TRAPPC3L: variants seen among roughly 807,000 people sequenced by gnomAD.
TRAPPC3L encodes the protein trafficking protein particle complex subunit 3L, also known as trafficking protein particle complex subunit 3-like protein.
A neutral mutation model predicts 23.7 loss-of-function variants in TRAPPC3L; 23 were observed. That is an observed-to-expected ratio of 0.97 (90% CI 0.70 to 1.37). TRAPPC3L has a LOEUF of 1.37. Ranked by LOEUF, TRAPPC3L falls within the 40% of genes most tolerant of loss-of-function variation. The probability of loss-of-function intolerance (pLI) is 0.00; values close to 1 mark genes in which losing one functional copy is unlikely to be tolerated. For missense variants in TRAPPC3L, 212 were observed against 216.8 expected, an observed-to-expected ratio of 0.98 and a Z score of 0.14; for synonymous variants, 81 against 77.9, an observed-to-expected ratio of 1.04 and a Z score of -0.21.
At chr6:116,497,646 T>C (rs1210543991) in intron 4 of TRAPPC3L, among the ~76,000 whole-genome samples, 1 of 152,168 alleles carries the variant, frequency 6.6e-6, no homozygotes, top group Non-Finnish European at 1.5e-5. Context: ...GGCCTTCTTT[T>C]TCTCTGTAAG....
rs537578007 is a variant in TRAPPC3L, at chr6:116,519,188, G to C, written c.241-18522C>G. The C allele has an allele frequency of 2.6e-5, 4 of 152,332 alleles. No individual in the cohort carries two copies. The East Asian group carries it at 7.7e-4, about 29-fold the overall frequency. 9.4% of individuals were successfully genotyped at this position (152,332 alleles called of 1,614,324 possible). ...CTCCCTAGAGGCTGCGCCTGACACA[G>C]GGAGCTGTGTATACATGATTTATTA... On this transcript the variant is annotated intron_variant, in intron 3 of 4. Coordinates refer to ENST00000368602, the MANE Select transcript of TRAPPC3L (RefSeq NM_001139444.3).
intron 3 of TRAPPC3L, among the ~76,000 whole-genome samples, chr6:116,502,184 C>T (rs140834585): frequency 0.054 from 8,168 of 152,190 alleles, 284 homozygotes; most frequent in Non-Finnish European, 0.079. Flanking sequence ...GCTTAAATGA[C>T]CTGATGGAGC....
chr6:116,504,759 A>G (rs1771974857), intron 3 of TRAPPC3L, among the ~76,000 whole-genome samples: 4 of 152,210 alleles, frequency 2.6e-5, no homozygotes, highest in African/African-American at 9.7e-5. Context: ...AGAACCAAAG[A>G]CAAAAGCCAC....
At chr6:116,525,279 T>G (rs1772424550) in intron 3 of TRAPPC3L, among the ~76,000 whole-genome samples, 1 of 152,214 alleles carries the variant, frequency 6.6e-6, no homozygotes, top group Non-Finnish European at 1.5e-5. Context: ...TAGAGGTCTA[T>G]CTCCAAGTTT....
At chr6:116,513,655 T>C (rs935272264) in intron 3 of TRAPPC3L, among the ~76,000 whole-genome samples, 1 of 152,198 alleles carries the variant, frequency 6.6e-6, no homozygotes, top group Non-Finnish European at 1.5e-5. Context: ...GCAAGAGAAC[T>C]TGTATCAATA....
intron 3 of TRAPPC3L, among the ~76,000 whole-genome samples, chr6:116,508,920 T>C (rs1562337987): frequency 6.6e-6 from 1 of 151,990 alleles, no homozygotes; most frequent in Non-Finnish European, 1.5e-5. Context: ...AGGATAATCA[T>C]ATATCTAGAA....
Position 116,496,867 on chromosome 6 carries a change from A to C in TRAPPC3L, c.*87T>G. On this transcript the variant is annotated 3_prime_UTR_variant, in exon 5 of 5. Transcript: ENST00000368602. ...TTATAAACCTTTCAAAGCTCATGCT[A>C]TGAAGCAATTCAAAATTTCTATGTC... 1.4e-6 allele frequency: 2 copies of C among 1,426,408 alleles called. No homozygotes were observed. Among genetic ancestry groups the C allele is most frequent in the Non-Finnish European group, 1.8e-6 (2 of 1,089,058 alleles). 88.4% of individuals were successfully genotyped at this position (1,426,408 alleles called of 1,614,324 possible).
intron 4 of TRAPPC3L, among the ~76,000 whole-genome samples, chr6:116,499,902 G>A (rs1771887194): frequency 6.6e-6 from 1 of 152,202 alleles, no homozygotes; most frequent in East Asian, 1.9e-4. Flanking sequence ...TATACTCAGT[G>A]CCTGACACTT....
intron 4 of TRAPPC3L, 115 bp from the exon 5 acceptor site, chr6:116,497,188 G>T (rs1771845498): frequency 7.5e-7 from 1 of 1,341,286 alleles, no homozygotes; most frequent in Admixed American, 3.0e-5. Context: ...TTTTAAAAAA[G>T]CTTGTTCGTG....
At chr6:116,500,719 G>A (rs1472428872) in intron 3 of TRAPPC3L, 53 bp from the exon 4 acceptor site, 1 of 1,473,440 alleles carries the variant, frequency 6.8e-7, no homozygotes, top group African/African-American at 1.4e-5. Flanking sequence ...AAATAACTAT[G>A]AGCAGACTAA....
intron 3 of TRAPPC3L, among the ~76,000 whole-genome samples, chr6:116,526,400 C>G (rs535711943): frequency 2.0e-4 from 30 of 152,300 alleles, no homozygotes; most frequent in Admixed American, 1.5e-3. Context: ...CCTAGAGTTC[C>G]ACAGAACAAA....
intron 3 of TRAPPC3L, among the ~76,000 whole-genome samples, chr6:116,504,420 A>G (rs880002830): frequency 6.6e-6 from 1 of 152,256 alleles, no homozygotes; most frequent in Non-Finnish European, 1.5e-5. Context: ...GTCCAGGACC[A>G]GACGGATTCA....
At chr6:116,511,545 T>C (rs144104064) in intron 3 of TRAPPC3L, 6 of 694,600 alleles carry the variant, frequency 8.6e-6, no homozygotes, top group African/African-American at 1.8e-5. Flanking sequence ...GAAATATTCA[T>C]TCCTAAGGAA....
At chr6:116,508,053 C>T (rs1266983843) in intron 3 of TRAPPC3L, among the ~76,000 whole-genome samples, 1 of 152,114 alleles carries the variant, frequency 6.6e-6, no homozygotes, top group Non-Finnish European at 1.5e-5. Flanking sequence ...GATATGTTGC[C>T]ATCTTTCAAG....
At chr6:116,544,713 G>A (rs1047779584) in intron 1 of TRAPPC3L, among the ~76,000 whole-genome samples, 11 of 152,086 alleles carry the variant, frequency 7.2e-5, no homozygotes, top group African/African-American at 2.7e-4. Flanking sequence ...AATAAATCAA[G>A]ATCCCAGAAG....
At chr6:116,531,877 T>C (rs1019734020) in intron 3 of TRAPPC3L, among the ~76,000 whole-genome samples, 2 of 149,352 alleles carry the variant, frequency 1.3e-5, no homozygotes, top group African/African-American at 4.9e-5. Flanking sequence ...TTTATTTATA[T>C]TTAATTTATA....
Position 116,495,558 on chromosome 6 carries a change from T to C in TRAPPC3L, c.*1396A>G, listed in dbSNP as rs1266008750. On this transcript the variant is annotated 3_prime_UTR_variant, in exon 5 of 5. Transcript: ENST00000368602. Reference sequence around the variant, plus strand: ...GCAGTGGGATTGCTGGATCATATGATCATTCTATTTTTTGTTTTTTGAGGA... The same window carrying C: ...GCAGTGGGATTGCTGGATCATATGACCATTCTATTTTTTGTTTTTTGAGGA... The C allele has an allele frequency of 6.6e-6, 1 of 152,126 alleles. No individual in the cohort carries two copies. Among genetic ancestry groups the C allele is most frequent in the African/African-American group, 2.4e-5 (1 of 41,406 alleles). The allele number at this position is 152,126 out of a possible 1,614,324, so 9.4% of individuals were successfully genotyped here.
At chr6:116,519,839 A>G (rs1379576458) in intron 3 of TRAPPC3L, 5 of 152,172 alleles carry the variant, frequency 3.3e-5, no homozygotes, top group African/African-American at 1.2e-4. Context: ...ACATATATAT[A>G]TGATTCTTTT....
chr6:116,530,664 T>C (rs1310681891), intron 3 of TRAPPC3L, among the ~76,000 whole-genome samples: 1 of 152,102 alleles, frequency 6.6e-6, no homozygotes, highest in Non-Finnish European at 1.5e-5. Flanking sequence ...GTGGTTTCAC[T>C]TGACTGCTTC....
Sources: allele counts gnomAD v4.1 joint callset (sites outside exome capture counted in the v4.1 genomes callset), GRCh38; gene constraint gnomAD v4.1.1; transcripts MANE v1.5; gene names NCBI Gene and HGNC (gene_info 2026-07-23, HGNC 2026-07-21).